The following MAML2 variants were observed in gnomAD, a reference collection of about 807,000 sequenced individuals.
MAML2 encodes the protein mastermind-like protein 2.
In MAML2, 22 loss-of-function variants were observed where a neutral mutation model predicts 96.1. The ratio of observed to expected loss-of-function variants is 0.23; its 90% CI spans 0.16 to 0.33. The LOEUF is 0.33. Among genes scored for constraint, MAML2 ranks in the 10% least tolerant of loss-of-function variants. The pLI is 1.00. For synonymous variants in MAML2, 561 were observed against 521.3 expected, an observed-to-expected ratio of 1.08 and a Z score of -1.04; for missense variants, 1,367 against 1,392.4, an observed-to-expected ratio of 0.98 and a Z score of 0.29.
intron 1 of MAML2, among the ~76,000 whole-genome samples, chr11:96,296,379 T>C (rs1369960628): frequency 6.6e-6 from 1 of 152,172 alleles, no homozygotes; most frequent in Non-Finnish European, 1.5e-5. Flanking sequence ...GCACGGTGGC[T>C]CACACCTATA....
intron 2 of MAML2, among the ~76,000 whole-genome samples, chr11:96,029,232 A>G (rs2135744047): frequency 6.6e-6 from 1 of 151,382 alleles, no homozygotes; most frequent in Admixed American, 6.6e-5. Flanking sequence ...GTGGATTTTC[A>G]ATTTGTTCCA....
At chr11:96,015,935 G>A (rs1262927923) in intron 2 of MAML2, among the ~76,000 whole-genome samples, 1 of 152,004 alleles carries the variant, frequency 6.6e-6, no homozygotes, top group African/African-American at 2.4e-5. Context: ...GGTCAGTACA[G>A]TATAAAGGAA....
At chr11:96,217,420 T>C (rs1013943937) in intron 1 of MAML2, among the ~76,000 whole-genome samples, 1 of 152,230 alleles carries the variant, frequency 6.6e-6, no homozygotes, top group Non-Finnish European at 1.5e-5. Context: ...TTTCCACTTA[T>C]AGCGTGGTAT....
intron 2 of MAML2, among the ~76,000 whole-genome samples, chr11:96,089,586 A>G (rs1394851832): frequency 6.6e-6 from 1 of 152,246 alleles, no homozygotes; most frequent in Admixed American, 6.5e-5. Context: ...ATTGAACAAT[A>G]GCATCATTAT....
chr11:95,979,729 T>C lies in MAML2; in HGVS notation c.2690A>G (p.Lys897Arg). The C allele has an allele frequency of 6.2e-7, 1 of 1,614,018 alleles. No individual in the cohort carries two copies. Among genetic ancestry groups the C allele is most frequent in the Non-Finnish European group, 8.5e-7 (1 of 1,179,888 alleles). Reference protein sequence around the residue: ...MNQLTQQRNPKQLLANQNNPM... With the variant: ...MNQLTQQRNPRQLLANQNNPM... Reference sequence around the variant, plus strand: ...GTTGTTTTGATTTGCTAACAATTGCTTTGGGTTTCTCTGTTGGGTCAATTG... The same window carrying C: ...GTTGTTTTGATTTGCTAACAATTGCCTTGGGTTTCTCTGTTGGGTCAATTG... The change falls in exon 5 of 5, where the codon AAG becomes AGG. Residue 897 changes from lysine to arginine, a missense_variant. Transcript: ENST00000524717.
chr11:96,037,503 C>T (rs1021246964), intron 2 of MAML2, among the ~76,000 whole-genome samples: 15 of 152,188 alleles, frequency 9.9e-5, no homozygotes, highest in African/African-American at 3.6e-4. Flanking sequence ...CATTCACCAG[C>T]TGGCTGGTGA....
chr11:96,329,249 G>A (rs1863823414), intron 1 of MAML2, among the ~76,000 whole-genome samples: 1 of 152,086 alleles, frequency 6.6e-6, no homozygotes, highest in Non-Finnish European at 1.5e-5. Flanking sequence ...CTATAAATGT[G>A]TTTCTCAAAC....
At position 96,022,369 on chromosome 11, in the gene MAML2, G is replaced by A. The variant is rs76628010; in HGVS notation, c.2140-30646C>T. Among the ~76,000 whole-genome samples, 1,035 of 152,230 alleles carry A rather than the reference G, an allele frequency of 6.8e-3. 13 individuals are homozygous for A. Among genetic ancestry groups the A allele is most frequent in the African/African-American group, 0.02 (836 of 41,532 alleles). On this transcript the variant is annotated intron_variant, in intron 2 of 4. Transcript: ENST00000524717. ...TATGCCCTGAATCATGCAGTTAAAT[G>A]GGCCATGTGTATCTGCATCCAGAGA... is the stretch of plus-strand genomic sequence containing the variant.
At chr11:96,049,307 G>A (rs1858954787) in intron 2 of MAML2, among the ~76,000 whole-genome samples, 3 of 152,040 alleles carry the variant, frequency 2.0e-5, no homozygotes, top group Admixed American at 2.0e-4. Context: ...ATAAAGTAGA[G>A]AAATTTACAT....
At chr11:96,154,628 C>CTCAGT (rs1274842417) in intron 1 of MAML2, among the ~76,000 whole-genome samples, 3 of 152,170 alleles carry the variant, frequency 2.0e-5, no homozygotes, top group African/African-American at 4.8e-5. Context: ...GGCCCAGTAT[C>CTCAGT]TCAGTTCAGT....
At chr11:96,157,627 G>A (rs1861032150) in intron 1 of MAML2, among the ~76,000 whole-genome samples, 1 of 152,284 alleles carries the variant, frequency 6.6e-6, no homozygotes, top group African/African-American at 2.4e-5. Context: ...ACTTTTGCAA[G>A]TAAAAGGGTA....
chr11:96,081,199 C>T (rs1414720182), intron 2 of MAML2, among the ~76,000 whole-genome samples: 2 of 152,036 alleles, frequency 1.3e-5, no homozygotes, highest in African/African-American at 4.8e-5. Context: ...TGAAATACAT[C>T]TTCCGAAAAC....
At chr11:96,085,941 A>C (rs1472475107) in intron 2 of MAML2, among the ~76,000 whole-genome samples, 2 of 152,254 alleles carry the variant, frequency 1.3e-5, no homozygotes, top group Non-Finnish European at 2.9e-5. Context: ...AAAATAAAGT[A>C]GAATATCCAG....
intron 1 of MAML2, among the ~76,000 whole-genome samples, chr11:96,208,165 C>A (rs1861920786): frequency 6.6e-6 from 1 of 152,154 alleles, no homozygotes; most frequent in East Asian, 1.9e-4. Flanking sequence ...GTACTATGTC[C>A]CCTCCCAAAC....
intron 1 of MAML2, among the ~76,000 whole-genome samples, chr11:96,258,114 G>C (rs142154138): frequency 1.9e-4 from 29 of 152,264 alleles, no homozygotes; most frequent in African/African-American, 6.7e-4. Flanking sequence ...AAAATCATTT[G>C]CTAAGTCCAA....
intron 1 of MAML2, among the ~76,000 whole-genome samples, chr11:96,286,067 A>G (rs1260546211): frequency 6.6e-6 from 1 of 152,250 alleles, no homozygotes; most frequent in Non-Finnish European, 1.5e-5. Flanking sequence ...AAGACATGGA[A>G]TTAACCCAAA....
intron 2 of MAML2, among the ~76,000 whole-genome samples, chr11:96,031,075 G>A (rs961730914): frequency 1.3e-5 from 2 of 152,204 alleles, no homozygotes; most frequent in Non-Finnish European, 2.9e-5. Context: ...GACTGTAAAT[G>A]ACTTGGGAAC....
intron 2 of MAML2, among the ~76,000 whole-genome samples, chr11:96,049,201 G>C (rs577555717): frequency 3.7e-3 from 566 of 152,190 alleles, no homozygotes; most frequent in Non-Finnish European, 6.5e-3. Context: ...CTTCAGAACT[G>C]GCATACTATG....
rs557081333 is a variant in MAML2 at position 96,201,586 on chromosome 11, C to A, written c.514-108069G>T. Reference sequence around the variant, plus strand: ...TGTCTATGAGTATAAAAGCTTAGACCAAGTGGAGTCATATGAAGACCTAAG... The same window carrying A: ...TGTCTATGAGTATAAAAGCTTAGACAAAGTGGAGTCATATGAAGACCTAAG... On this transcript the variant is annotated intron_variant, in intron 1 of 4. Coordinates refer to ENST00000524717, the MANE Select transcript of MAML2 (RefSeq NM_032427.4). Among the ~76,000 whole-genome samples the A allele has an allele frequency of 2.0e-5, 3 of 152,204 alleles. No homozygotes were observed. The East Asian group carries it at 5.8e-4, about 29-fold the overall frequency.
Sources: allele counts gnomAD v4.1 joint callset (sites outside exome capture counted in the v4.1 genomes callset), GRCh38; gene constraint gnomAD v4.1.1; transcripts MANE v1.5; gene names NCBI Gene and HGNC (gene_info 2026-07-23, HGNC 2026-07-21).